Variants in PFAS observed in about 807,000 individuals in gnomAD.
PFAS encodes phosphoribosylformylglycinamidine synthase.
Under a neutral mutation model 140.6 loss-of-function variants are expected in PFAS, and 97 were observed. The observed-to-expected ratio is 0.69, with a 90% confidence interval of 0.59 to 0.82. The LOEUF (loss-of-function observed/expected upper bound fraction) is 0.82, where lower values mean the gene tolerates loss of function less well. Among genes scored for constraint, PFAS ranks in the 40% least tolerant of loss-of-function variants. PFAS has a pLI of 0.00. For missense variants in PFAS, 1,656 were observed against 1,780.2 expected (o/e 0.93, Z 1.26); for synonymous variants, 679 against 718.8 (o/e 0.94, Z 0.88).
At chr17:8,258,262 G>A (rs1989455279) in intron 11 of PFAS, 63 bp downstream of exon 11, 9 of 1,582,574 alleles carry the variant, frequency 5.7e-6, no homozygotes, top group Middle Eastern at 2.0e-4. Flanking sequence ...GATGGCTACA[G>A]GGAGGGAACT....
At position 8,256,610 on chromosome 17, in the gene PFAS, ATGT is replaced by A. The variant is rs1304744071; in HGVS notation, c.912_914del (p.Val305del). 1.9e-6 allele frequency: 3 copies of A among 1,614,066 alleles called. No homozygotes were observed. Among genetic ancestry groups the A allele is most frequent in the Admixed American group, 1.7e-5 (1 of 60,016 alleles). On this transcript the variant is annotated inframe_deletion, in exon 8 of 28. Coordinates refer to ENST00000314666, the MANE Select transcript of PFAS (RefSeq NM_012393.3). ...TTCCAGCAACAGCAAGGGCTGAGAC[ATGT>A]TGTCTTCACAGCAGAGACTCACAAC...
In PFAS at chr17:8,269,063, G is replaced by C. The variant is rs1256445582; in HGVS notation, c.3816G>C (p.Leu1272=). 1 of 1,614,192 alleles carries C rather than the reference G, an allele frequency of 6.2e-7. No homozygotes were observed. The highest frequency in any genetic ancestry group is 1.1e-5 in the South Asian group (1 of 91,088). Residue 1272 remains leucine, a synonymous_variant, in exon 28 of 28, where the codon CTG becomes CTC. Coordinates refer to ENST00000314666, the MANE Select transcript of PFAS (RefSeq NM_012393.3). Reference sequence around the variant, plus strand: ...GGAACCCCACAGAGCAGTACCCTCTGAATCCCAATGGGTCCCCAGGGGGCG... The same window carrying C: ...GGAACCCCACAGAGCAGTACCCTCTCAATCCCAATGGGTCCCCAGGGGGCG... ...DDGNPTEQYP[L]NPNGSPGGVA... is the part of the protein sequence containing the mutation.
At chr17:8,256,745 A>G in intron 8 of PFAS, 90 bp from the exon 9 acceptor site, 1 of 1,555,598 alleles carries the variant, frequency 6.4e-7, no homozygotes, top group Non-Finnish European at 8.7e-7. Context: ...ATAATCAGGG[A>G]AATTGGTTGT....
chr17:8,259,148 T>C (rs924087483), intron 11 of PFAS, among the ~76,000 whole-genome samples: 1 of 151,004 alleles, frequency 6.6e-6, no homozygotes, highest in Non-Finnish European at 1.5e-5. Context: ...AAAGACGTGG[T>C]AAATATGAGA....
intron 17 of PFAS, 24 bp downstream of exon 17, chr17:8,264,625 C>A: frequency 6.4e-7 from 1 of 1,574,188 alleles, no homozygotes; most frequent in Non-Finnish European, 8.6e-7. Context: ...CCTTCCTCTG[C>A]CCCCTGCCTC....
At chr17:8,251,784 G>T (rs1329504261) in intron 1 of PFAS, among the ~76,000 whole-genome samples, 1 of 146,390 alleles carries the variant, frequency 6.8e-6, no homozygotes, top group Non-Finnish European at 1.5e-5. Context: ...TGATTCTCCT[G>T]CCTCAGCCTC....
At position 8,262,921 on chromosome 17, in the gene PFAS, C is replaced by T. The variant is rs761149080; in HGVS notation, c.1338C>T (p.Gly446=). The T allele has an allele frequency of 2.5e-6, 4 of 1,613,102 alleles. No individual in the cohort carries two copies. The highest frequency in any genetic ancestry group is 3.3e-5 in the Admixed American group (2 of 60,002). ...TGATTCTGCCTTCCCTTCTTACAGG[C>T]ATGGAAGTTGTAAAGGTTGGAGGTC... ...DHISKEAPEP[G]MEVVKVGGPV... Residue 446 remains glycine (G), a splice_region_variant and synonymous_variant, in exon 12 of 28, where the codon GGC becomes GGT. Transcript: ENST00000314666.
rs1002400069 is a variant in PFAS at position 8,268,685 on chromosome 17, G to A, written c.3535G>A (p.Ala1179Thr). The change falls in exon 27 of 28, where the codon GCA becomes ACA. Residue 1179 changes from alanine to threonine, a missense_variant. This residue lies in a region of PFAS where 883 missense variants were observed against 1,023.0 expected (regional missense o/e 0.86). Transcript: ENST00000314666. ...GGGAGGCGACCCCAATGAGGATGCT[G>A]CAGAGATGGGCCCTGACTCCCAGCC... ...WVGGDPNEDAAEMGPDSQPAR... is the reference protein window; with the variant it reads ...WVGGDPNEDATEMGPDSQPAR... 2.8e-5 allele frequency: 45 copies of A among 1,613,332 alleles called. No individual in the cohort carries two copies. Among genetic ancestry groups the A allele is most frequent in the Non-Finnish European group, 3.7e-5 (44 of 1,179,878 alleles).
At chr17:8,258,985 CAAA>C (rs570981517) in intron 11 of PFAS, among the ~76,000 whole-genome samples, 21 of 88,456 alleles carry the variant, frequency 2.4e-4, no homozygotes, top group East Asian at 1.9e-3. Flanking sequence ...GACTCCATCT[CAAA>C]AAAAAAAAAA....
chr17:8,255,362 G>T, intron 4 of PFAS, 140 bp from the exon 5 acceptor site: 1 of 703,038 alleles, frequency 1.4e-6, no homozygotes, highest in South Asian at 2.0e-5. Flanking sequence ...TGGAAAGGGC[G>T]TCTTTTTGTA....
At position 8,268,681 on chromosome 17, in the gene PFAS, T is replaced by A; in HGVS notation, c.3531T>A (p.Asp1177Glu). 6.2e-7 allele frequency: 1 copy of A among 1,613,474 alleles called. No homozygotes were observed. The highest frequency in any genetic ancestry group is 8.5e-7 in the Non-Finnish European group (1 of 1,179,892). ...LGWVGGDPNE[D>E]AAEMGPDSQP... Reference sequence around the variant, plus strand: ...GGGTGGGAGGCGACCCCAATGAGGATGCTGCAGAGATGGGCCCTGACTCCC... The same window carrying A: ...GGGTGGGAGGCGACCCCAATGAGGAAGCTGCAGAGATGGGCCCTGACTCCC... The change falls in exon 27 of 28, where the codon GAT becomes GAA. Residue 1177 changes from aspartate to glutamate, a missense_variant. Physicochemically the swap from Asp to Glu is conservative, Grantham distance 45 (BLOSUM62 2). Transcript: ENST00000314666.
rs147663814 is a variant in PFAS, at chr17:8,268,546, T to C, written c.3396T>C (p.Ala1132=). 3.7e-6 allele frequency: 6 copies of C among 1,611,690 alleles called. No individual in the cohort carries two copies. In the African/African-American group the frequency reaches 5.3e-5, roughly 14 times the overall value. ...ATTCCCTGCTAGGGTGGGCAGCTGC[T>C]GTGACCTTTCATCCCAGGGCTGGGG... ...VLGSAKGWAA[A]VTFHPRAGAE... The change falls in exon 27 of 28, where the codon GCT becomes GCC. Residue 1132 remains alanine (A), a synonymous_variant. Coordinates refer to ENST00000314666, the MANE Select transcript of PFAS (RefSeq NM_012393.3).
chr17:8,256,512 GTA>G lies in PFAS; in HGVS notation c.822-10_822-9del. ...AGAAAGGAAGCAAGGTCCATGACGG[GTA>G]TGTCCACAGTGCAATCCAGGGAAAG... is the stretch of plus-strand genomic sequence containing the variant. On this transcript the variant is annotated splice_polypyrimidine_tract_variant and intron_variant, in intron 7 of 27. Transcript: ENST00000314666. 1 of 1,614,132 alleles carries G rather than the reference GTA, an allele frequency of 6.2e-7. No individual in the cohort carries two copies. Among genetic ancestry groups the G allele is most frequent in the Non-Finnish European group, 8.5e-7 (1 of 1,180,020 alleles).
Position 8,268,723 on chromosome 17 carries a change from C to A in PFAS, c.3573C>A (p.Gly1191=). Residue 1191 remains glycine, a synonymous_variant, in exon 27 of 28, where the codon GGC becomes GGA. Transcript: ENST00000314666. ...CTGACTCCCAGCCAGCCCGGCCAGG[C>A]CTTCTGCTACGCCACAACCTGTCTG... ...MGPDSQPARP[G]LLLRHNLSGR... 3 of 1,613,234 alleles carry A rather than the reference C, an allele frequency of 1.9e-6. No individual in the cohort carries two copies. Among genetic ancestry groups the A allele is most frequent in the Non-Finnish European group, 2.5e-6 (3 of 1,179,934 alleles).
chr17:8,266,585 A>T lies in PFAS; in HGVS notation c.2822-168A>T. On this transcript the variant is annotated intron_variant, in intron 22 of 27. Coordinates refer to ENST00000314666, the MANE Select transcript of PFAS (RefSeq NM_012393.3). The surrounding 1 kb of genome is among the most constrained non-coding windows in gnomAD (Gnocchi z 5.0). ...TCCCATCCCTGAGATGTCCATGATG[A>T]AACATCCTCAGTCCTGCCGTCCTAG... The T allele has an allele frequency of 6.8e-7, 1 of 1,462,086 alleles. No individual in the cohort carries two copies. Among genetic ancestry groups the T allele is most frequent in the Non-Finnish European group, 9.0e-7 (1 of 1,113,180 alleles). 90.6% of individuals were successfully genotyped at this position (1,462,086 alleles called of 1,614,324 possible).
intron 1 of PFAS, among the ~76,000 whole-genome samples, chr17:8,252,727 C>G (rs553316003): frequency 2.0e-5 from 3 of 152,182 alleles, no homozygotes; most frequent in Non-Finnish European, 4.4e-5. Context: ...AAGTGATCTT[C>G]CCACCTCAGC....
intron 11 of PFAS, among the ~76,000 whole-genome samples, chr17:8,259,867 A>G (rs1311939104): frequency 6.6e-6 from 1 of 152,180 alleles, no homozygotes; most frequent in East Asian, 1.9e-4. Context: ...TTGGGAGGCC[A>G]TGGTGGGCAG....
At chr17:8,259,524 G>A (rs1989507838) in intron 11 of PFAS, among the ~76,000 whole-genome samples, 1 of 152,060 alleles carries the variant, frequency 6.6e-6, no homozygotes, top group Admixed American at 6.5e-5. Flanking sequence ...GCTCACGCCT[G>A]TAATCCCAGC....
At chr17:8,260,867 G>T (rs536691668) in intron 11 of PFAS, among the ~76,000 whole-genome samples, 1 of 151,992 alleles carries the variant, frequency 6.6e-6, no homozygotes, top group Non-Finnish European at 1.5e-5. Context: ...CTCGTGATCC[G>T]CCTGCCTCAG....
Sources: allele counts gnomAD v4.1 joint callset (sites outside exome capture counted in the v4.1 genomes callset), GRCh38; gene constraint gnomAD v4.1.1; regional missense constraint gnomAD v4.1.1; non-coding constraint Gnocchi (gnomAD v3.1); transcripts MANE v1.5; gene names NCBI Gene and HGNC (gene_info 2026-07-23, HGNC 2026-07-21).